Variants in DRC8 observed in about 807,000 individuals in gnomAD.
DRC8 encodes the protein dynein regulatory complex subunit 8.
the DRC8 span, among the ~76,000 whole-genome samples, chr1:245,037,068 C>T: frequency 6.6e-6 from 1 of 152,142 alleles, no homozygotes; most frequent in Non-Finnish European, 1.5e-5. Context: ...GTTCTCTCAC[C>T]AAAAGGCTTC....
the DRC8 span, among the ~76,000 whole-genome samples, chr1:245,095,655 A>G: frequency 6.6e-6 from 1 of 152,162 alleles, no homozygotes; most frequent in African/African-American, 2.4e-5. Context: ...TTGGCCTCCC[A>G]AAGAACCGGG....
the DRC8 span, chr1:245,122,911 A>C: frequency 1.3e-5 from 2 of 152,226 alleles, no homozygotes; most frequent in African/African-American, 4.8e-5. Flanking sequence ...CCCCACCGTC[A>C]TCCTCGGGCA....
the DRC8 span, among the ~76,000 whole-genome samples, chr1:245,056,673 C>T: frequency 6.6e-6 from 1 of 152,170 alleles, no homozygotes; most frequent in Non-Finnish European, 1.5e-5. Context: ...TGTGGTGGCT[C>T]ACGCCTGTAA....
the DRC8 span, among the ~76,000 whole-genome samples, chr1:245,063,974 C>T: frequency 1.6e-4 from 24 of 152,248 alleles, no homozygotes; most frequent in Middle Eastern, 3.4e-3. Flanking sequence ...CCGCCCTCCT[C>T]GGCCTCCCAA....
the DRC8 span, among the ~76,000 whole-genome samples, chr1:245,115,379 A>G: frequency 2.6e-5 from 4 of 152,062 alleles, no homozygotes; most frequent in African/African-American, 9.7e-5. Flanking sequence ...ATTATTGCCC[A>G]CTCTTTAGCA....
At chr1:245,118,247 C>T in the DRC8 span, among the ~76,000 whole-genome samples, 2 of 152,084 alleles carry the variant, frequency 1.3e-5, no homozygotes, top group African/African-American at 4.8e-5. Flanking sequence ...AGATTGAAAT[C>T]GCAGCCTAGT....
At chr1:245,071,441 C>T in the DRC8 span, among the ~76,000 whole-genome samples, 2 of 152,192 alleles carry the variant, frequency 1.3e-5, no homozygotes, top group Non-Finnish European at 2.9e-5. Context: ...GTATTGGAAT[C>T]CGGAAGAAAG....
the DRC8 span, among the ~76,000 whole-genome samples, chr1:245,116,060 G>C: frequency 6.6e-6 from 1 of 151,398 alleles, no homozygotes; most frequent in African/African-American, 2.4e-5. Flanking sequence ...TAGTGTTTTT[G>C]TATTTTTAGT....
the DRC8 span, among the ~76,000 whole-genome samples, chr1:244,986,043 C>G: frequency 6.6e-6 from 1 of 151,764 alleles, no homozygotes; most frequent in African/African-American, 2.4e-5. Context: ...ACAACCTCCA[C>G]CTCCCAGGTT....
chr1:245,084,497 C>G, the DRC8 span, among the ~76,000 whole-genome samples: 1 of 152,182 alleles, frequency 6.6e-6, no homozygotes, highest in Non-Finnish European at 1.5e-5. Context: ...CATGGCCCAT[C>G]ATACATATAT....
the DRC8 span, among the ~76,000 whole-genome samples, chr1:245,000,031 C>A: frequency 2.6e-5 from 4 of 152,258 alleles, no homozygotes; most frequent in Admixed American, 6.5e-5. Context: ...GTTGGCCAGG[C>A]TGGTCTTGAA....
At chr1:245,082,265 C>A in the DRC8 span, 1 of 1,043,886 alleles carries the variant, frequency 9.6e-7, no homozygotes, top group Non-Finnish European at 1.5e-6. Flanking sequence ...TATACTCAAG[C>A]AGTGTGTCCT....
chr1:245,104,646 C>T, the DRC8 span, among the ~76,000 whole-genome samples: 3 of 152,134 alleles, frequency 2.0e-5, no homozygotes, highest in Admixed American at 6.6e-5. Flanking sequence ...CACCCCTGCT[C>T]GTTATTTCAA....
At chr1:245,109,981 T>C in the DRC8 span, among the ~76,000 whole-genome samples, 1 of 152,240 alleles carries the variant, frequency 6.6e-6, no homozygotes, top group Non-Finnish European at 1.5e-5. Flanking sequence ...GTGTAAGTAT[T>C]TATCATCTGA....
At chr1:245,028,591 C>T in the DRC8 span, among the ~76,000 whole-genome samples, 55,120 of 151,812 alleles carry the variant, frequency 0.36, 10,316 homozygotes, top group African/African-American at 0.47. Context: ...CTGACCGAGA[C>T]TGGAAGAGGA....
the DRC8 span, chr1:245,002,091 A>T: frequency 6.5e-7 from 1 of 1,544,898 alleles, no homozygotes; most frequent in Non-Finnish European, 8.8e-7. Flanking sequence ...TTGATCACCA[A>T]GTACTCTTCA....
chr1:245,083,664 C>T, the DRC8 span: 6 of 1,610,970 alleles, frequency 3.7e-6, no homozygotes, highest in African/African-American at 4.0e-5. Context: ...TAAGGACGAG[C>T]TGATCAAGTA....
At chr1:245,025,897 C>CT in the DRC8 span, among the ~76,000 whole-genome samples, 1 of 152,178 alleles carries the variant, frequency 6.6e-6, no homozygotes, top group Non-Finnish European at 1.5e-5. Context: ...TCTGCTCCTC[C>CT]TTCGCCTTCC....
At chr1:245,042,312 A>C in the DRC8 span, among the ~76,000 whole-genome samples, 1 of 152,248 alleles carries the variant, frequency 6.6e-6, no homozygotes, top group Non-Finnish European at 1.5e-5. Context: ...AAACTCTAGC[A>C]CATAGGACTA....
Sources: gnomAD v4.1 joint callset for allele counts (sites outside exome capture counted in the v4.1 genomes callset) on GRCh38, gnomAD v4.1.1 for gene constraint, MANE v1.5 for transcripts, NCBI Gene and HGNC (gene_info 2026-07-23, HGNC 2026-07-21) for gene names.